ZNF891: variants seen among roughly 807,000 people sequenced by gnomAD.
The protein encoded by ZNF891 is zinc finger protein 891.
For synonymous variants in ZNF891, 199 were observed against 209.0 expected (o/e 0.95, Z 0.41); for missense variants, 589 against 632.7 (o/e 0.93, Z 0.74).
At position 133,106,079 on chromosome 12, in the gene ZNF891, A is replaced by T. The variant is rs368056146; in HGVS notation, c.*14205T>A. On this transcript the variant is annotated 3_prime_UTR_variant, in exon 2 of 2. Transcript: ENST00000537226. Reference sequence around the variant, plus strand: ...CCTCACTCGACATCAAAGAATTCACATAGGAAAGAAACAATATATATGTAG... The same window carrying T: ...CCTCACTCGACATCAAAGAATTCACTTAGGAAAGAAACAATATATATGTAG... 30 of 1,614,028 alleles carry T rather than the reference A, an allele frequency of 1.9e-5. No homozygotes were observed. In the African/African-American group the frequency reaches 3.7e-4, roughly 20 times the overall value.
rs1398549765 is a variant in ZNF891, at chr12:133,105,791, C to T, written c.*14493G>A. The T allele has an allele frequency of 1.7e-5, 27 of 1,613,946 alleles. No individual in the cohort carries two copies. Among genetic ancestry groups the T allele is most frequent in the Middle Eastern group, 1.6e-4 (1 of 6,082 alleles). On this transcript the variant is annotated 3_prime_UTR_variant, in exon 2 of 2. Transcript: ENST00000537226. ...CCATGAATGTGGAAAAACTTTTGGT[C>T]GACGCTTTTCCCTGGTGTTACACCA...
rs1359460616 is a variant in ZNF891, at chr12:133,120,337, TCTGA to T, written c.1578_1581del (p.Ser526ArgfsTer49). The T allele has an allele frequency of 1.3e-6, 2 of 1,570,204 alleles. No homozygotes were observed. Among genetic ancestry groups the T allele is most frequent in the African/African-American group, 2.7e-5 (2 of 73,774 alleles). On this transcript the variant is annotated frameshift_variant, in exon 2 of 2. Coordinates refer to ENST00000537226, the MANE Select transcript of ZNF891 (RefSeq NM_001277291.2). LOFTEE classifies it low-confidence loss of function (END_TRUNC). ...CTCTTGTGTATAATAAGTGAAGAGC[TCTGA>T]CTGAAGGCTTTTCCACATTGAATAC... is the stretch of plus-strand genomic sequence containing the variant.
At chr12:133,123,660 T>G (rs578124251) in intron 1 of ZNF891, among the ~76,000 whole-genome samples, 18 of 151,758 alleles carry the variant, frequency 1.2e-4, no homozygotes, top group Non-Finnish European at 2.4e-4. Context: ...GTGAACCATG[T>G]TCATGCTACC....
chr12:133,116,990 G>C lies in ZNF891; in HGVS notation c.*3294C>G, dbSNP rs1449819154. On this transcript the variant is annotated 3_prime_UTR_variant, in exon 2 of 2. Coordinates refer to ENST00000537226, the MANE Select transcript of ZNF891 (RefSeq NM_001277291.2). ...CTTCCTTTGAAGTTCATACCATCTA[G>C]TTATACCACTTTCTCCCTCTCTTCC... 1 of 152,162 alleles carries C rather than the reference G, an allele frequency of 6.6e-6. No homozygotes were observed. Among genetic ancestry groups the C allele is most frequent in the Admixed American group, 6.6e-5 (1 of 15,264 alleles). The allele number at this position is 152,162 out of a possible 1,614,324, so 9.4% of individuals were successfully genotyped here. A position where few individuals can be genotyped will look rare whatever the true frequency, so the allele number is the denominator to read the frequency against.
rs1955651326 is a variant in ZNF891, at chr12:133,108,082, G to A, written c.*12202C>T. 1.3e-5 allele frequency: 2 copies of A among 152,112 alleles called. No homozygotes were observed. The highest frequency in any genetic ancestry group is 4.8e-5 in the African/African-American group (2 of 41,398). 9.4% of individuals were successfully genotyped at this position (152,112 alleles called of 1,614,324 possible). ...GCCATATTGGTACATACATTTAGAA[G>A]CTTCTCAAGTTTCCATAAGAGTTGT... On this transcript the variant is annotated 3_prime_UTR_variant, in exon 2 of 2. Coordinates refer to ENST00000537226, the MANE Select transcript of ZNF891 (RefSeq NM_001277291.2).
At position 133,121,587 on chromosome 12, in the gene ZNF891, A is replaced by G. The variant is rs1039116786; in HGVS notation, c.332T>C (p.Ile111Thr). 2.0e-6 allele frequency: 3 copies of G among 1,536,574 alleles called. No individual in the cohort carries two copies. The highest frequency in any genetic ancestry group is 2.6e-6 in the Non-Finnish European group (3 of 1,147,004). ...AGGTTGAATCTTCTGGTCTGGACAGATGGCTTGGGGAATTCTCTTTTTCAT... is the reference window on the plus strand; with the variant it reads ...AGGTTGAATCTTCTGGTCTGGACAGGTGGCTTGGGGAATTCTCTTTTTCAT... ...RNMKKRIPQA[I>T]CPDQKIQPKT... Residue 111 changes from isoleucine to threonine, a missense_variant, in exon 2 of 2, where the codon ATC (isoleucine) becomes ACC (threonine). Physicochemically the swap from Ile to Thr is moderately conservative, Grantham distance 89 (BLOSUM62 -1). Transcript: ENST00000537226.
Position 133,121,317 on chromosome 12 carries a change from C to G in ZNF891, c.602G>C (p.Gly201Ala). The G allele has an allele frequency of 1.3e-6, 2 of 1,535,586 alleles. No individual in the cohort carries two copies. The highest frequency in any genetic ancestry group is 1.7e-6 in the Non-Finnish European group (2 of 1,146,650). Residue 201 changes from glycine to alanine, a missense_variant, in exon 2 of 2, where the codon GGA becomes GCA. Transcript: ENST00000537226. ...YHELEENSKLGSKLIFSQSIF... is the reference protein window; with the variant it reads ...YHELEENSKLASKLIFSQSIF... ...GCTCTGTGAAAAAATAAGTTTTGATCCAAGTTTAGAGTTTTCCTCTAATTC... is the reference window on the plus strand; with the variant it reads ...GCTCTGTGAAAAAATAAGTTTTGATGCAAGTTTAGAGTTTTCCTCTAATTC...
Position 133,105,896 on chromosome 12 carries a change from C to T in ZNF891, c.*14388G>A, listed in dbSNP as rs1479549398. The T allele has an allele frequency of 6.2e-7, 1 of 1,613,956 alleles. No individual in the cohort carries two copies. Among genetic ancestry groups the T allele is most frequent in the Non-Finnish European group, 8.5e-7 (1 of 1,180,034 alleles). ...TAGCCAGATTTCAAACCTTGTGAAA[C>T]ACCAAATGATACATACTGGAAAGAA... On this transcript the variant is annotated 3_prime_UTR_variant, in exon 2 of 2. Transcript: ENST00000537226.
intron 1 of ZNF891, chr12:133,125,607 C>A: frequency 4.3e-6 from 1 of 233,346 alleles, no homozygotes; most frequent in Non-Finnish European, 8.5e-6. Flanking sequence ...ATCCGCATGT[C>A]ACCCATCTTC....
At position 133,109,687 on chromosome 12, in the gene ZNF891, T is replaced by C. The variant is rs1195747246; in HGVS notation, c.*10597A>G. On this transcript the variant is annotated 3_prime_UTR_variant, in exon 2 of 2. Transcript: ENST00000537226. ...AAAATAGAGGAAATTTACGGTAGCA[T>C]TCTTATGCTAAAAGAAATAATTTTT... 2 of 152,178 alleles carry C rather than the reference T, an allele frequency of 1.3e-5. No individual in the cohort carries two copies. Among genetic ancestry groups the C allele is most frequent in the East Asian group, 1.9e-4 (1 of 5,202 alleles). 9.4% of individuals were successfully genotyped at this position (152,178 alleles called of 1,614,324 possible). A position where few individuals can be genotyped will look rare whatever the true frequency, so the allele number is the denominator to read the frequency against.
intron 1 of ZNF891, 187 bp from the exon 2 acceptor site, chr12:133,122,211 C>T: frequency 9.3e-7 from 1 of 1,071,610 alleles, no homozygotes; most frequent in South Asian, 4.0e-5. Flanking sequence ...CAAGAAATGC[C>T]ATCCTGATTC....
At chr12:133,126,556 T>C (rs115240513) in intron 1 of ZNF891, among the ~76,000 whole-genome samples, 4,923 of 150,250 alleles carry the variant, frequency 0.033, 259 homozygotes, top group African/African-American at 0.11. Flanking sequence ...CTTACGCCTG[T>C]AATCCAGCAC....
chr12:133,120,918 T>G lies in ZNF891; in HGVS notation c.1001A>C (p.Asn334Thr). The G allele has an allele frequency of 6.5e-7, 1 of 1,537,124 alleles. No homozygotes were observed. The highest frequency in any genetic ancestry group is 8.7e-7 in the Non-Finnish European group (1 of 1,146,898). The change falls in exon 2 of 2, where the codon AAT becomes ACT. Residue 334 changes from asparagine to threonine, a missense_variant. Physicochemically the swap from Asn to Thr is moderately conservative, Grantham distance 65. Transcript: ENST00000537226. ...GTGACTTTTCTTGTATAAAGTAAGA[T>G]TAGAAATCCTTTTGAAGGCTTTTCC... ...QCGKAFKRISNLTLYKKSHMG... is the reference protein window; with the variant it reads ...QCGKAFKRISTLTLYKKSHMG...
At chr12:133,122,306 C>G in intron 1 of ZNF891, 1 of 859,728 alleles carries the variant, frequency 1.2e-6, no homozygotes, top group Non-Finnish European at 1.4e-6. Context: ...CTAAAGAGAA[C>G]CAACCAGTAA....
rs764618272 is a variant in ZNF891, at chr12:133,119,197, G to A, written c.*1087C>T. Reference sequence around the variant, plus strand: ...ACCACACCACTGCATTCTAGCCTGAGAGACAGAGACTCTGTCTGAAAAATT... The same window carrying A: ...ACCACACCACTGCATTCTAGCCTGAAAGACAGAGACTCTGTCTGAAAAATT... On this transcript the variant is annotated 3_prime_UTR_variant, in exon 2 of 2. Coordinates refer to ENST00000537226, the MANE Select transcript of ZNF891 (RefSeq NM_001277291.2). 7.3e-5 allele frequency: 11 copies of A among 151,276 alleles called. No individual in the cohort carries two copies. The highest frequency in any genetic ancestry group is 2.2e-4 in the African/African-American group (9 of 41,188). 9.4% of individuals were successfully genotyped at this position (151,276 alleles called of 1,614,324 possible). A position where few individuals can be genotyped will look rare whatever the true frequency, so the allele number is the denominator to read the frequency against.
rs1292501252 is a variant in ZNF891 at position 133,121,054 on chromosome 12, T to C, written c.865A>G (p.Met289Val). ...TTACATTCACAGGCATTCTGTGCCA[T>C]ATGCAAATTGTTAGGTACAGGAAAC... The part of the protein sequence containing the change: ...NMFPVPNNLH[M>V]AQNACECNKD... Residue 289 changes from methionine to valine, a missense_variant, in exon 2 of 2, where the codon ATG becomes GTG. Met to Val is a conservative substitution (Grantham distance 21). Transcript: ENST00000537226. 1 of 1,535,656 alleles carries C rather than the reference T, an allele frequency of 6.5e-7. No homozygotes were observed. Among genetic ancestry groups the C allele is most frequent in the Non-Finnish European group, 8.7e-7 (1 of 1,146,872 alleles).
chr12:133,121,709 A>G lies in ZNF891; in HGVS notation c.210T>C (p.Asp70=). 6.5e-7 allele frequency: 1 copy of G among 1,536,612 alleles called. No individual in the cohort carries two copies. Among genetic ancestry groups the G allele is most frequent in the Non-Finnish European group, 8.7e-7 (1 of 1,146,926 alleles). ...GATTTCTATAGTTTTCCAACATCACATCTCTGTACAGACTTCTTTGAGCAG... is the reference window on the plus strand; with the variant it reads ...GATTTCTATAGTTTTCCAACATCACGTCTCTGTACAGACTTCTTTGAGCAG... The part of the protein sequence containing the change: ...LDSAQRSLYR[D]VMLENYRNLT... The change falls in exon 2 of 2, where the codon GAT becomes GAC. Residue 70 remains aspartate (D), a synonymous_variant. Coordinates refer to ENST00000537226, the MANE Select transcript of ZNF891 (RefSeq NM_001277291.2).
At chr12:133,125,318 C>T (rs1955804430) in intron 1 of ZNF891, among the ~76,000 whole-genome samples, 1 of 152,116 alleles carries the variant, frequency 6.6e-6, no homozygotes, top group South Asian at 2.1e-4. Flanking sequence ...TGGCTTTTGC[C>T]TATAAATTTG....
rs1234638500 is a variant in ZNF891 at position 133,106,703 on chromosome 12, TATA to T, written c.*13578_*13580del. ...ATGTATGGAATTTTTTAAAAAGAAG[TATA>T]ATGCCTTACTTCAGAGAACTCTTGG... On this transcript the variant is annotated 3_prime_UTR_variant, in exon 2 of 2. Coordinates refer to ENST00000537226, the MANE Select transcript of ZNF891 (RefSeq NM_001277291.2). 2.8e-6 allele frequency: 4 copies of T among 1,443,382 alleles called. No individual in the cohort carries two copies. The African/African-American group carries it at 5.7e-5, about 21-fold the overall frequency. The allele number at this position is 1,443,382 out of a possible 1,614,324, so 89.4% of individuals were successfully genotyped here.
Sources: allele counts gnomAD v4.1 joint callset (sites outside exome capture counted in the v4.1 genomes callset), GRCh38; gene constraint gnomAD v4.1.1; transcripts MANE v1.5; gene names NCBI Gene and HGNC (gene_info 2026-07-23, HGNC 2026-07-21).